ARMC10: variants seen among roughly 807,000 people sequenced by gnomAD.
The protein encoded by ARMC10 is armadillo repeat-containing protein 10.
A neutral mutation model predicts 30.2 loss-of-function variants in ARMC10; 23 were observed. The ratio of observed to expected loss-of-function variants is 0.76; its 90% CI spans 0.55 to 1.08. ARMC10 has a LOEUF of 1.08. ARMC10 is among the 50% of genes least tolerant of loss of function. ARMC10 has a pLI of 0.00. For missense variants in ARMC10, 303 were observed against 413.7 expected (o/e 0.73, Z 2.32); for synonymous variants, 111 against 164.4 (o/e 0.68, Z 2.48).
At chr7:103,075,751 A>G (rs1473967194) in intron 1 of ARMC10, 26 bp from the exon 2 acceptor site, 1 of 1,559,898 alleles carries the variant, frequency 6.4e-7, no homozygotes, top group Admixed American at 1.8e-5. Context: ...AGGGGCCCAG[A>G]GCCATAGGTC....
chr7:103,079,340 AG>A lies in ARMC10; in HGVS notation c.244+3460del, dbSNP rs1369231768. Among the ~76,000 whole-genome samples the A allele has an allele frequency of 4.6e-5, 7 of 152,172 alleles. No individual in the cohort carries two copies. The East Asian group carries it at 7.7e-4, about 17-fold the overall frequency. On this transcript the variant is annotated intron_variant, in intron 2 of 6. Transcript: ENST00000323716. The stretch of plus-strand genomic sequence containing the variant: ...ATAGCTGAAGCTCGGGGAAAAAAAA[AG>A]AAAAAAAATTTTATCATTTCTGATA...
At chr7:103,082,514 T>A (rs1312457832) in intron 2 of ARMC10, among the ~76,000 whole-genome samples, 1 of 152,144 alleles carries the variant, frequency 6.6e-6, no homozygotes, top group African/African-American at 2.4e-5. Flanking sequence ...TATTTTTTTT[T>A]TAATAGAGAC....
At chr7:103,081,278 C>G (rs1367999552) in intron 2 of ARMC10, among the ~76,000 whole-genome samples, 2 of 152,182 alleles carry the variant, frequency 1.3e-5, no homozygotes, top group African/African-American at 2.4e-5. Context: ...TTCTGTGATA[C>G]AACACCGTGA....
At chr7:103,093,417 A>G (rs1801516276) in intron 5 of ARMC10, among the ~76,000 whole-genome samples, 1 of 152,204 alleles carries the variant, frequency 6.6e-6, no homozygotes, top group Admixed American at 6.5e-5. Context: ...TGAGTTTATC[A>G]AGATGTGATT....
At chr7:103,075,497 G>C in intron 1 of ARMC10, 86 bp downstream of exon 1, 1 of 1,213,408 alleles carries the variant, frequency 8.2e-7, no homozygotes, top group East Asian at 3.0e-5. Context: ...TGTGCTCGGG[G>C]TAAAATGAGG....
intron 4 of ARMC10, chr7:103,087,724 T>C: frequency 1.0e-6 from 1 of 965,964 alleles, no homozygotes; most frequent in East Asian, 1.1e-4. Flanking sequence ...TGGCAAGATT[T>C]GTAAGAGGTA....
rs553745010 is a variant in ARMC10, at chr7:103,093,340, A to AT, written c.705+688dup. Among the ~76,000 whole-genome samples, 3 of 152,208 alleles carry AT rather than the reference A, an allele frequency of 2.0e-5. No individual in the cohort carries two copies. In the South Asian group the frequency reaches 6.2e-4, roughly 31 times the overall value. The stretch of plus-strand genomic sequence containing the variant: ...TCTGGAACAGTTGAGAGACAAATGC[A>AT]TAAGCATTTTAGAAAGACCAAATGT... On this transcript the variant is annotated intron_variant, in intron 5 of 6. Transcript: ENST00000323716.
At chr7:103,076,401 A>C (rs1799827771) in intron 2 of ARMC10, among the ~76,000 whole-genome samples, 1 of 152,132 alleles carries the variant, frequency 6.6e-6, no homozygotes, top group Non-Finnish European at 1.5e-5. Flanking sequence ...CAGGCTAAAA[A>C]CTCACAGAGT....
intron 3 of ARMC10, among the ~76,000 whole-genome samples, chr7:103,085,079 G>A (rs1045231270): frequency 6.6e-6 from 1 of 152,184 alleles, no homozygotes; most frequent in African/African-American, 2.4e-5. Context: ...ACAATAGCTA[G>A]TGATTAATGT....
In ARMC10 at chr7:103,092,558, A is replaced by G. The variant is rs747950808; in HGVS notation, c.610A>G (p.Thr204Ala). The G allele has an allele frequency of 5.2e-5, 83 of 1,610,180 alleles. No individual in the cohort carries two copies. The highest frequency in any genetic ancestry group is 6.7e-5 in the African/African-American group (5 of 74,880). Reference sequence around the variant, plus strand: ...GCAGCTGGCTGGACTGACATTGTTGACAAACATGACTGTTACCAATGACCA... The same window carrying G: ...GCAGCTGGCTGGACTGACATTGTTGGCAAACATGACTGTTACCAATGACCA... ...AVQLAGLTLL[T>A]NMTVTNDHQH... Residue 204 changes from threonine to alanine, a missense_variant, in exon 5 of 7, where the codon ACA becomes GCA. Thr to Ala is a moderately conservative substitution (Grantham distance 58). Coordinates refer to ENST00000323716, the MANE Select transcript of ARMC10 (RefSeq NM_031905.5).
intron 2 of ARMC10, among the ~76,000 whole-genome samples, chr7:103,078,299 A>G (rs1273087296): frequency 6.6e-6 from 1 of 152,182 alleles, no homozygotes; most frequent in Non-Finnish European, 1.5e-5. Flanking sequence ...TTGTAATCCC[A>G]TAATCCCTAC....
chr7:103,095,976 C>T (rs1801728961), intron 5 of ARMC10: 1 of 151,990 alleles, frequency 6.6e-6, no homozygotes, highest in South Asian at 2.1e-4. Flanking sequence ...GGAGATATAC[C>T]TAATGCTAGA....
At chr7:103,095,864 C>T (rs1348257204) in intron 5 of ARMC10, 2 of 145,750 alleles carry the variant, frequency 1.4e-5, no homozygotes, top group African/African-American at 2.6e-5. Context: ...TATTCTCACT[C>T]ATAGGTGGGA....
At chr7:103,075,520 G>A in intron 1 of ARMC10, 109 bp downstream of exon 1, 1 of 1,129,714 alleles carries the variant, frequency 8.9e-7, no homozygotes, top group Middle Eastern at 2.7e-4. Context: ...CCGAGCTAGA[G>A]GGAGAGGCAG....
At chr7:103,080,384 A>T (rs1800272158) in intron 2 of ARMC10, among the ~76,000 whole-genome samples, 1 of 151,748 alleles carries the variant, frequency 6.6e-6, no homozygotes, top group Non-Finnish European at 1.5e-5. Context: ...CCACCCGAGT[A>T]GCTGGGACTA....
At chr7:103,075,957 C>T in intron 2 of ARMC10, 76 bp downstream of exon 2, 1 of 1,169,678 alleles carries the variant, frequency 8.5e-7, no homozygotes, top group Non-Finnish European at 1.2e-6. Context: ...GATTCGGTTT[C>T]TGTCCAAAAG....
In ARMC10 at chr7:103,086,658, C is replaced by G. The variant is rs1441307459; in HGVS notation, c.422C>G (p.Pro141Arg). 1.3e-6 allele frequency: 2 copies of G among 1,587,344 alleles called. No homozygotes were observed. The highest frequency in any genetic ancestry group is 4.5e-5 in the East Asian group (2 of 44,276). Residue 141 changes from proline to arginine, a missense_variant, in exon 4 of 7, where the codon CCA becomes CGA. Physicochemically the swap from Pro to Arg is moderately radical, Grantham distance 103 (BLOSUM62 -2). Around this residue, in one of 4 missense-constraint regions of ARMC10, gnomAD observed 170 missense variants for 207.2 expected, o/e 0.82. Transcript: ENST00000323716. ...ATTATTCGTGAATTGGGTGGTATTCCAATTGTTGCAAACAAAATCAACCAT... is the reference window on the plus strand; with the variant it reads ...ATTATTCGTGAATTGGGTGGTATTCGAATTGTTGCAAACAAAATCAACCAT... The part of the protein sequence containing the change: ...QAIIRELGGI[P>R]IVANKINHSN...
At chr7:103,094,714 T>C (rs1323987356) in intron 5 of ARMC10, among the ~76,000 whole-genome samples, 1 of 152,210 alleles carries the variant, frequency 6.6e-6, no homozygotes, top group African/African-American at 2.4e-5. Flanking sequence ...AGATGAGATC[T>C]GATAGTGACC....
intron 5 of ARMC10, among the ~76,000 whole-genome samples, chr7:103,093,276 A>ATTG (rs1407522944): frequency 2.0e-5 from 3 of 152,238 alleles, no homozygotes; most frequent in African/African-American, 7.2e-5. Flanking sequence ...AGTCGGGTTG[A>ATTG]TTGTTCATCA....
Sources: gnomAD v4.1 joint callset for allele counts (sites outside exome capture counted in the v4.1 genomes callset) on GRCh38, gnomAD v4.1.1 for gene constraint, gnomAD v4.1.1 regional missense constraint, MANE v1.5 for transcripts, NCBI Gene and HGNC (gene_info 2026-07-23, HGNC 2026-07-21) for gene names.